RASA3: variants seen among roughly 807,000 people sequenced by gnomAD.
RASA3 encodes ras GTPase-activating protein 3.
RASA3 carries 73 observed loss-of-function variants against 110.0 expected under a neutral mutation model. The ratio of observed to expected loss-of-function variants is 0.66; its 90% CI spans 0.55 to 0.81. The LOEUF (loss-of-function observed/expected upper bound fraction) is 0.81. RASA3 is among the 30% of genes least tolerant of loss of function. RASA3 has a pLI of 0.00. For missense variants in RASA3, 976 were observed against 1,113.2 expected (o/e 0.88, Z 1.75); for synonymous variants, 500 against 451.4 (o/e 1.11, Z -1.37).
At position 114,024,281 on chromosome 13, in the gene RASA3, G is replaced by C; in HGVS notation, c.678C>G (p.Ile226Met). ...GACGCGGAGCCTGGTTTTCTCACCT[G>C]ATTTCGAGCTTGTCCACGTCTTCCT... Reference protein sequence around the residue: ...FEEEDVDKLEIRVDLWNASNL... With the variant: ...FEEEDVDKLEMRVDLWNASNL... Residue 226 changes from isoleucine (I) to methionine (M), a missense_variant and splice_region_variant, in exon 8 of 24, where the codon ATC becomes ATG. By Grantham distance (10) the Ile-to-Met change is conservative. This residue lies in a region of RASA3 where 732 missense variants were observed against 779.7 expected (regional missense o/e 0.94). Transcript: ENST00000334062. The C allele has an allele frequency of 6.2e-7, 1 of 1,613,966 alleles. No homozygotes were observed. Among genetic ancestry groups the C allele is most frequent in the South Asian group, 1.1e-5 (1 of 91,066 alleles).
At chr13:114,132,407 G>A in intron 1 of RASA3, 28 bp downstream of exon 1, 2 of 1,504,962 alleles carry the variant, frequency 1.3e-6, no homozygotes, top group Non-Finnish European at 1.8e-6. Context: ...CCGGGGGGTC[G>A]GACGCGTGGC....
At chr13:114,078,915 G>T (rs1460865231) in intron 1 of RASA3, among the ~76,000 whole-genome samples, 5 of 152,212 alleles carry the variant, frequency 3.3e-5, no homozygotes, top group Non-Finnish European at 5.9e-5. Context: ...TACCCAGGAG[G>T]AGCTGTGAGG....
chr13:114,021,343 G>A, intron 9 of RASA3, 61 bp downstream of exon 9: 3 of 1,467,936 alleles, frequency 2.0e-6, no homozygotes, highest in Non-Finnish European at 2.9e-6. Context: ...CCACTCAGAG[G>A]CAGCACGTGT....
At chr13:114,009,351 G>T in intron 17 of RASA3, 36 bp downstream of exon 17, 1 of 1,521,054 alleles carries the variant, frequency 6.6e-7, no homozygotes, top group Non-Finnish European at 9.1e-7. Flanking sequence ...TCCTGAGCAC[G>T]GCACACGGGC....
intron 2 of RASA3, among the ~76,000 whole-genome samples, chr13:114,052,889 G>A (rs9590537): frequency 2.6e-4 from 32 of 121,220 alleles, no homozygotes; most frequent in African/African-American, 9.1e-4. Context: ...TGCTGACTGT[G>A]CTTAGAGTCC....
At position 114,048,203 on chromosome 13, in the gene RASA3, T is replaced by TAC; in HGVS notation, c.277+3847_277+3848dup. Among the ~76,000 whole-genome samples, 1 of 151,790 alleles carries TAC rather than the reference T, an allele frequency of 6.6e-6. No homozygotes were observed. The highest frequency in any genetic ancestry group is 3.4e-3 in the Middle Eastern group (1 of 294). ...GGTGGCGGGCGCCTGTAGTCCCAGC[T>TAC]ACTCGGGAAGCTGAGGCAGGAGAAT... On this transcript the variant is annotated intron_variant, in intron 3 of 23. Transcript: ENST00000334062. This position sits in a 1 kb window ranked among gnomAD's most constrained non-coding sequence, Gnocchi z 4.3.
intron 1 of RASA3, among the ~76,000 whole-genome samples, chr13:114,097,225 A>C (rs564059215): frequency 1.3e-5 from 2 of 152,230 alleles, no homozygotes; most frequent in South Asian, 4.1e-4. Flanking sequence ...GGGTGGTCTT[A>C]GTACTGTCAC....
Position 114,015,474 on chromosome 13 carries a change from A to T in RASA3, c.1282-142T>A, listed in dbSNP as rs2053769638. ...CTGCGGCAGTGAGACACGTGTGAAC[A>T]GCCACTCCCTGGAAATCTGTGCTGG... On this transcript the variant is annotated intron_variant, in intron 13 of 23. Coordinates refer to ENST00000334062, the MANE Select transcript of RASA3 (RefSeq NM_007368.4). 6.0e-6 allele frequency: 6 copies of T among 1,005,532 alleles called. No individual in the cohort carries two copies. The Middle Eastern group carries it at 1.6e-3, about 272-fold the overall frequency. The allele number at this position is 1,005,532 out of a possible 1,614,324, so 62.3% of individuals were successfully genotyped here. A position where few individuals can be genotyped will look rare whatever the true frequency, so the allele number is the denominator to read the frequency against.
At chr13:114,031,277 G>A (rs934972270) in intron 4 of RASA3, among the ~76,000 whole-genome samples, 12 of 126,524 alleles carry the variant, frequency 9.5e-5, no homozygotes, top group African/African-American at 5.1e-4. Flanking sequence ...GCATGAAACT[G>A]TGTGTGTCTG....
Position 114,096,728 on chromosome 13 carries a change from G to A in RASA3, c.56-22891C>T, listed in dbSNP as rs767549448. On this transcript the variant is annotated intron_variant, in intron 1 of 23. Coordinates refer to ENST00000334062, the MANE Select transcript of RASA3 (RefSeq NM_007368.4). The surrounding 1 kb of genome is among the most constrained non-coding windows in gnomAD (Gnocchi z 5.1). The stretch of plus-strand genomic sequence containing the variant: ...CAGTTATGACCACCCTTCCCTCCTC[G>A]TCCCCCAAAGCACTCAACAGCTCTC... Among the ~76,000 whole-genome samples the A allele has an allele frequency of 2.0e-5, 3 of 151,636 alleles. No individual in the cohort carries two copies. Among genetic ancestry groups the A allele is most frequent in the Non-Finnish European group, 2.9e-5 (2 of 67,942 alleles).
At chr13:114,005,379 C>A (rs1420540959) in intron 18 of RASA3, among the ~76,000 whole-genome samples, 2 of 152,184 alleles carry the variant, frequency 1.3e-5, no homozygotes, top group African/African-American at 4.8e-5. Flanking sequence ...GGTTGATGGG[C>A]TCTGATGCTC....
intron 1 of RASA3, among the ~76,000 whole-genome samples, chr13:114,123,677 A>G (rs987563760): frequency 1.3e-5 from 2 of 152,184 alleles, no homozygotes; most frequent in African/African-American, 4.8e-5. Context: ...CCAGGCAGGG[A>G]GGGTGGCTCT....
At chr13:114,101,962 G>A (rs1361539564) in intron 1 of RASA3, among the ~76,000 whole-genome samples, 3 of 152,210 alleles carry the variant, frequency 2.0e-5, no homozygotes, top group Non-Finnish European at 4.4e-5. Flanking sequence ...AGAAAGTGGG[G>A]AGCGGGGGTC....
chr13:114,003,060 G>A (rs2053439788), intron 18 of RASA3, among the ~76,000 whole-genome samples: 1 of 152,214 alleles, frequency 6.6e-6, no homozygotes, highest in African/African-American at 2.4e-5. Context: ...GACGAACATG[G>A]CAAGACACAC....
chr13:114,103,458 A>T (rs1302703928), intron 1 of RASA3, among the ~76,000 whole-genome samples: 3 of 152,038 alleles, frequency 2.0e-5, no homozygotes, highest in Non-Finnish European at 2.9e-5. Context: ...GACGGGGGAC[A>T]CAGAACCAAG....
intron 1 of RASA3, among the ~76,000 whole-genome samples, chr13:114,083,321 C>T (rs2079811052): frequency 6.6e-6 from 1 of 152,246 alleles, no homozygotes; most frequent in African/African-American, 2.4e-5. Flanking sequence ...AGCTCAATTT[C>T]CTCCGATGTG....
chr13:113,996,543 G>C lies in RASA3; in HGVS notation c.2129C>G (p.Ser710Trp). 1 of 1,612,302 alleles carries C rather than the reference G, an allele frequency of 6.2e-7. No homozygotes were observed. Among genetic ancestry groups the C allele is most frequent in the Non-Finnish European group, 8.5e-7 (1 of 1,179,898 alleles). ...RAPSDSAPGC[S>W]PCTGGLPANI... ...GGCACAGACCTACCCAGTGCAGGGC[G>C]AGCAGCCCGGAGCCGAGTCGGATGG... is the stretch of plus-strand genomic sequence containing the variant. Residue 710 changes from serine (S) to tryptophan (W), a missense_variant, in exon 21 of 24, where the codon TCG becomes TGG. Transcript: ENST00000334062.
chr13:114,051,984 G>A (rs2079153642), intron 3 of RASA3, 68 bp downstream of exon 3: 3 of 1,301,772 alleles, frequency 2.3e-6, no homozygotes, highest in Non-Finnish European at 3.3e-6. Context: ...GCTCTGGACT[G>A]AAATGCTAAT....
At chr13:114,089,724 G>A (rs1200054091) in intron 1 of RASA3, among the ~76,000 whole-genome samples, 2 of 152,164 alleles carry the variant, frequency 1.3e-5, no homozygotes, top group African/African-American at 2.4e-5. Context: ...TAAAGGGCAC[G>A]ATCCCGTGGT....
Sources: gnomAD v4.1 joint callset for allele counts (sites outside exome capture counted in the v4.1 genomes callset) on GRCh38, gnomAD v4.1.1 for gene constraint, gnomAD v4.1.1 regional missense constraint, Gnocchi (gnomAD v3.1) non-coding constraint, MANE v1.5 for transcripts, NCBI Gene and HGNC (gene_info 2026-07-23, HGNC 2026-07-21) for gene names.